The following FRMD4A variants were observed in gnomAD, a reference collection of about 807,000 sequenced individuals.
FRMD4A encodes FERM domain containing 4A.
In FRMD4A, 29 loss-of-function variants were observed where a neutral mutation model predicts 129.1. The observed-to-expected ratio is 0.22, with a 90% CI of 0.17 to 0.31. FRMD4A has a LOEUF of 0.31. Ranked by LOEUF, FRMD4A falls within the 10% of genes least tolerant of loss-of-function variation. The probability of loss-of-function intolerance (pLI) is 1.00; values close to 1 mark genes in which losing one functional copy is unlikely to be tolerated. For synonymous variants in FRMD4A, 634 were observed against 571.6 expected (o/e 1.11, Z -1.56); for missense variants, 1,272 against 1,375.8 (o/e 0.92, Z 1.19).
intron 6 of FRMD4A, among the ~76,000 whole-genome samples, chr10:13,769,245 G>A (rs1218366217): frequency 6.6e-6 from 1 of 151,696 alleles, no homozygotes; most frequent in Non-Finnish European, 1.5e-5. Flanking sequence ...GTGTGCGTAT[G>A]TGTGTGTACT....
chr10:13,723,463 T>A (rs1260381803), intron 12 of FRMD4A, among the ~76,000 whole-genome samples: 1 of 151,920 alleles, frequency 6.6e-6, no homozygotes, highest in Non-Finnish European at 1.5e-5. Context: ...AAAAGAGGAG[T>A]TATTGTTTCA....
At chr10:13,758,172 C>T (rs1377273954) in intron 8 of FRMD4A, among the ~76,000 whole-genome samples, 1 of 152,192 alleles carries the variant, frequency 6.6e-6, no homozygotes, top group Non-Finnish European at 1.5e-5. Context: ...ATGTAAATAT[C>T]TAGGATAATA....
At chr10:14,124,230 C>T (rs1450024418) in intron 2 of FRMD4A, among the ~76,000 whole-genome samples, 1 of 152,178 alleles carries the variant, frequency 6.6e-6, no homozygotes, top group Non-Finnish European at 1.5e-5. Context: ...TCAAAATCTC[C>T]TTTTGTGAGC....
At chr10:13,851,748 A>G (rs1378690533) in intron 3 of FRMD4A, among the ~76,000 whole-genome samples, 1 of 151,762 alleles carries the variant, frequency 6.6e-6, no homozygotes, top group African/African-American at 2.4e-5. Flanking sequence ...AAAAATACAA[A>G]AATTAGTTGG....
At chr10:13,958,655 G>T (rs1370260600) in intron 2 of FRMD4A, among the ~76,000 whole-genome samples, 2 of 149,598 alleles carry the variant, frequency 1.3e-5, no homozygotes, top group Middle Eastern at 3.2e-3. Context: ...GCATGATCTC[G>T]GCTCACGGCA....
At chr10:14,252,001 T>C (rs1844457583) in intron 2 of FRMD4A, among the ~76,000 whole-genome samples, 1 of 152,242 alleles carries the variant, frequency 6.6e-6, no homozygotes, top group African/African-American at 2.4e-5. Flanking sequence ...ATTAGTATCA[T>C]ACTATGTATT....
At chr10:14,129,073 C>T (rs369786047) in intron 2 of FRMD4A, among the ~76,000 whole-genome samples, 77 of 151,980 alleles carry the variant, frequency 5.1e-4, no homozygotes, top group African/African-American at 1.8e-3. Context: ...CCCCCCAATA[C>T]CCTATTTCCT....
At chr10:13,657,751 C>T (rs1432107393) in intron 21 of FRMD4A, among the ~76,000 whole-genome samples, 1 of 150,400 alleles carries the variant, frequency 6.6e-6, no homozygotes, top group Admixed American at 6.6e-5. Flanking sequence ...GGAAGTGGGA[C>T]TGAAGCTAGG....
chr10:13,674,825 A>C (rs975393732), intron 16 of FRMD4A, 86 bp downstream of exon 16: 38 of 1,395,660 alleles, frequency 2.7e-5, no homozygotes, highest in Non-Finnish European at 3.6e-5. Context: ...CAGTCAAATG[A>C]CATCAAAAAG....
Position 14,053,006 on chromosome 10 carries a change from C to T in FRMD4A, c.46-194094G>A, listed in dbSNP as rs1014867778. Among the ~76,000 whole-genome samples, 4 of 152,290 alleles carry T rather than the reference C, an allele frequency of 2.6e-5. No individual in the cohort carries two copies. The East Asian group carries it at 7.7e-4, about 29-fold the overall frequency. ...CTCTCACCAGTCCCCATCTCCAACA[C>T]TGCGGATCATATTTCAATAAGAGAT... On this transcript the variant is annotated intron_variant, in intron 2 of 24. Coordinates refer to ENST00000357447, the MANE Select transcript of FRMD4A (RefSeq NM_018027.5).
chr10:13,695,999 G>A (rs1000929522), intron 14 of FRMD4A, among the ~76,000 whole-genome samples: 4 of 152,198 alleles, frequency 2.6e-5, no homozygotes, highest in South Asian at 2.1e-4. Context: ...GAGGCATGGC[G>A]CTTGTTTTCT....
intron 2 of FRMD4A, among the ~76,000 whole-genome samples, chr10:14,164,422 CTGG>C (rs1841065973): frequency 1.3e-5 from 2 of 152,212 alleles, no homozygotes; most frequent in South Asian, 4.1e-4. Flanking sequence ...AACCCGGAAG[CTGG>C]TTTGTGCGGT....
At chr10:13,876,524 G>A (rs552973933) in intron 2 of FRMD4A, among the ~76,000 whole-genome samples, 25 of 152,256 alleles carry the variant, frequency 1.6e-4, no homozygotes, top group Middle Eastern at 3.4e-3. Context: ...GAGAATTCAC[G>A]TGCTCAGTAA....
chr10:13,670,620 CA>C, intron 16 of FRMD4A, 92 bp from the exon 17 acceptor site: 1 of 1,299,212 alleles, frequency 7.7e-7, no homozygotes. Flanking sequence ...TACACGCACA[CA>C]AAAATGCACG....
At chr10:14,062,324 T>C (rs993052245) in intron 2 of FRMD4A, among the ~76,000 whole-genome samples, 1 of 152,208 alleles carries the variant, frequency 6.6e-6, no homozygotes, top group Non-Finnish European at 1.5e-5. Flanking sequence ...ATGTAAAATT[T>C]TGTGTATCTG....
At chr10:14,017,376 A>T (rs776444199) in intron 2 of FRMD4A, among the ~76,000 whole-genome samples, 1 of 152,184 alleles carries the variant, frequency 6.6e-6, no homozygotes, top group Non-Finnish European at 1.5e-5. Context: ...TAAACTGTGT[A>T]ATTGCACCTG....
intron 2 of FRMD4A, among the ~76,000 whole-genome samples, chr10:14,271,950 A>G (rs927230569): frequency 2.8e-4 from 43 of 152,264 alleles, no homozygotes; most frequent in Non-Finnish European, 5.4e-4. Context: ...TAGCTTACTC[A>G]GTACATTATA....
rs2081155216 is a variant in FRMD4A at position 13,646,992 on chromosome 10, C to T, written c.*46G>A. ...CCGTACCACTGGACATCAGCTAGTTCTGGATAGAGGGAGGAATCCAGGAAA... is the reference window on the plus strand; with the variant it reads ...CCGTACCACTGGACATCAGCTAGTTTTGGATAGAGGGAGGAATCCAGGAAA... On this transcript the variant is annotated 3_prime_UTR_variant, in exon 25 of 25. Transcript: ENST00000357447. The T allele has an allele frequency of 1.0e-6, 1 of 984,120 alleles. No individual in the cohort carries two copies. Among genetic ancestry groups the T allele is most frequent in the Non-Finnish European group, 1.2e-6 (1 of 828,382 alleles). 61.0% of individuals were successfully genotyped at this position (984,120 alleles called of 1,614,324 possible).
chr10:13,677,074 T>C (rs1458615744), intron 15 of FRMD4A, among the ~76,000 whole-genome samples: 2 of 152,172 alleles, frequency 1.3e-5, no homozygotes, highest in African/African-American at 2.4e-5. Context: ...TTCACTTAAA[T>C]TGTCCCCATA....
Sources: gnomAD v4.1 joint callset for allele counts (sites outside exome capture counted in the v4.1 genomes callset) on GRCh38, gnomAD v4.1.1 for gene constraint, MANE v1.5 for transcripts, NCBI Gene and HGNC (gene_info 2026-07-23, HGNC 2026-07-21) for gene names.